Variants in GALNT9 observed in about 807,000 individuals in gnomAD.
The protein encoded by GALNT9 is polypeptide N-acetylgalactosaminyltransferase 9, also known as GalNAc transferase 9.
A neutral mutation model predicts 63.1 loss-of-function variants in GALNT9; 47 were observed. That is an observed-to-expected ratio of 0.75 (90% CI 0.59 to 0.95). The LOEUF (loss-of-function observed/expected upper bound fraction) is 0.95, where lower values mean the gene tolerates loss of function less well. Among genes scored for constraint, GALNT9 ranks in the 40% least tolerant of loss-of-function variants. The pLI, the probability that GALNT9 is intolerant of heterozygous loss-of-function variation, is 0.00. For synonymous variants in GALNT9, 396 were observed against 365.7 expected (o/e 1.08, Z -0.94); for missense variants, 829 against 874.8 (o/e 0.95, Z 0.66).
intron 8 of GALNT9, among the ~76,000 whole-genome samples, chr12:132,200,102 C>T (rs1456569332): frequency 6.6e-6 from 1 of 152,194 alleles, no homozygotes; most frequent in Non-Finnish European, 1.5e-5. Context: ...CCCCGATGCA[C>T]ACTCAGCACT....
chr12:132,244,087 G>C lies in GALNT9; in HGVS notation c.1077+3823C>G, dbSNP rs2136906217. On this transcript the variant is annotated intron_variant, in intron 6 of 10. Transcript: ENST00000328957. ...CTCGACACCGGCAGAGTGAGGCCTC[G>C]GGCCGGCCACTCGGACCACGGTGCA... Among the ~76,000 whole-genome samples the C allele has an allele frequency of 8.7e-5, 13 of 149,880 alleles. 1 individual carries two copies. In the South Asian group the frequency reaches 2.6e-3, roughly 30 times the overall value.
rs965561812 is a variant in GALNT9 at position 132,325,242 on chromosome 12, T to C, written c.238+3724A>G. Among the ~76,000 whole-genome samples the C allele has an allele frequency of 2.6e-5, 4 of 152,190 alleles. No individual in the cohort carries two copies. In the East Asian group the frequency reaches 5.8e-4, roughly 22 times the overall value. On this transcript the variant is annotated intron_variant, in intron 1 of 10. Coordinates refer to ENST00000328957, the MANE Select transcript of GALNT9 (RefSeq NM_001122636.2). Reference sequence around the variant, plus strand: ...TGGAGACACACAAGTGTCTCTTAAGTTCATTTAAACAAAACAATGAATTGT... The same window carrying C: ...TGGAGACACACAAGTGTCTCTTAAGCTCATTTAAACAAAACAATGAATTGT...
chr12:132,249,837 G>A (rs944634859), intron 5 of GALNT9, among the ~76,000 whole-genome samples: 2 of 152,206 alleles, frequency 1.3e-5, no homozygotes, highest in African/African-American at 2.4e-5. Context: ...TCTCAGGCTC[G>A]CGTGGGGCTG....
In GALNT9 at chr12:132,329,181, C is replaced by T. The variant is rs1869187144; in HGVS notation, c.23G>A (p.Arg8Gln). The change falls in exon 1 of 11, where the codon CGA (arginine) becomes CAA (glutamine). Residue 8 changes from arginine (R) to glutamine (Q), a missense_variant. Transcript: ENST00000328957. The part of the protein sequence containing the change: MAVARKI[R>Q]TLLTVNILVF... ...CAGGATGTTCACCGTCAGCAAAGTT[C>T]GGATCTTCCTGGCCACCGCCATGAA... The T allele has an allele frequency of 7.1e-6, 11 of 1,548,298 alleles. 1 individual carries two copies. Among genetic ancestry groups the T allele is most frequent in the East Asian group, 4.9e-5 (2 of 40,808 alleles).
chr12:132,221,206 A>G (rs1192744518), intron 6 of GALNT9, among the ~76,000 whole-genome samples: 1 of 142,776 alleles, frequency 7.0e-6, no homozygotes, highest in African/African-American at 2.6e-5. Flanking sequence ...TACAAAAATT[A>G]GCTGGGTGTG....
chr12:132,246,253 G>A lies in GALNT9; in HGVS notation c.1077+1657C>T, dbSNP rs566632127. ...TTCCATTTTAAAAATGTGTAATTGA[G>A]GATTGATTCTAGATGTGCAGTTTAA... On this transcript the variant is annotated intron_variant, in intron 6 of 10. Transcript: ENST00000328957. The surrounding 1 kb of genome is among the most constrained non-coding windows in gnomAD (Gnocchi z 4.7). Among the ~76,000 whole-genome samples the A allele has an allele frequency of 6.6e-6, 1 of 152,336 alleles. No homozygotes were observed. The highest frequency in any genetic ancestry group is 1.9e-4 in the East Asian group (1 of 5,188).
Position 132,261,638 on chromosome 12 carries a change from G to A in GALNT9, c.587-516C>T, listed in dbSNP as rs1419810075. On this transcript the variant is annotated intron_variant, in intron 3 of 10. Transcript: ENST00000328957. ...TCTGCACACAGACCCCAGTGTAGAC[G>A]GTGCTGCTGGGCTAGGGCACTGCTG... 2.6e-5 allele frequency among the ~76,000 whole-genome samples: 4 copies of A among 152,038 alleles called. No individual in the cohort carries two copies. In the South Asian group the frequency reaches 6.2e-4, roughly 24 times the overall value.
At position 132,245,868 on chromosome 12, in the gene GALNT9, C is replaced by T. The variant is rs1283761128; in HGVS notation, c.1077+2042G>A. 8.5e-5 allele frequency among the ~76,000 whole-genome samples: 13 copies of T among 152,192 alleles called. No individual in the cohort carries two copies. Among genetic ancestry groups the T allele is most frequent in the Admixed American group, 7.2e-4 (11 of 15,288 alleles). On this transcript the variant is annotated intron_variant, in intron 6 of 10. Coordinates refer to ENST00000328957, the MANE Select transcript of GALNT9 (RefSeq NM_001122636.2). The surrounding 1 kb of genome is among the most constrained non-coding windows in gnomAD (Gnocchi z 6.3). ...GCTGAGGCGACTTGTCTTTCACTGA[C>T]GGTGGCTCTGTCCCCAGGACCACAT...
chr12:132,308,558 C>T (rs1555244852), intron 1 of GALNT9, among the ~76,000 whole-genome samples: 1 of 152,054 alleles, frequency 6.6e-6, no homozygotes, highest in East Asian at 1.9e-4. Flanking sequence ...GGCAGCCCCA[C>T]GAACGCAGGG....
At chr12:132,288,542 C>T (rs1406398093) in intron 1 of GALNT9, among the ~76,000 whole-genome samples, 14 of 152,378 alleles carry the variant, frequency 9.2e-5, no homozygotes, top group African/African-American at 2.6e-4. Flanking sequence ...CCTCATCATC[C>T]GTGGGGCTCA....
chr12:132,240,763 T>A (rs1476218230), intron 6 of GALNT9: 15 of 455,198 alleles, frequency 3.3e-5, no homozygotes, highest in East Asian at 6.9e-5. Flanking sequence ...ACCAGCAGAA[T>A]TGGAATGTGC....
chr12:132,321,124 C>T (rs374028106), intron 1 of GALNT9, among the ~76,000 whole-genome samples: 16 of 152,278 alleles, frequency 1.1e-4, no homozygotes, highest in South Asian at 8.3e-4. Context: ...GGGGCGGCCC[C>T]GCCAGGAAGA....
intron 6 of GALNT9, among the ~76,000 whole-genome samples, chr12:132,221,722 G>A (rs530476020): frequency 2.0e-5 from 3 of 148,870 alleles, no homozygotes; most frequent in South Asian, 4.3e-4. Flanking sequence ...GCCCCATAAC[G>A]GAAAAGAAAG....
At chr12:132,303,490 C>T (rs1381650532) in intron 1 of GALNT9, among the ~76,000 whole-genome samples, 2 of 74,848 alleles carry the variant, frequency 2.7e-5, no homozygotes, top group Non-Finnish European at 5.6e-5. Flanking sequence ...GGCACAGAAT[C>T]GCCCAGACAC....
rs567082414 is a variant in GALNT9 at position 132,305,910 on chromosome 12, A to G, written c.239-19480T>C. Reference sequence around the variant, plus strand: ...AGCCCTGGGTGGGGCTTGGGTCCAAAGGAGCTGAGTCAGGGCTGGCAGCAC... The same window carrying G: ...AGCCCTGGGTGGGGCTTGGGTCCAAGGGAGCTGAGTCAGGGCTGGCAGCAC... On this transcript the variant is annotated intron_variant, in intron 1 of 10. Transcript: ENST00000328957. 1.1e-4 allele frequency among the ~76,000 whole-genome samples: 16 copies of G among 152,286 alleles called. No homozygotes were observed. The South Asian group carries it at 2.9e-3, about 28-fold the overall frequency.
intron 1 of GALNT9, among the ~76,000 whole-genome samples, chr12:132,304,057 G>A (rs374653460): frequency 9.4e-5 from 3 of 32,004 alleles, no homozygotes; most frequent in African/African-American, 1.4e-4. Context: ...CCTCACCCGG[G>A]CACACCCTCA....
chr12:132,222,878 A>C, intron 6 of GALNT9, among the ~76,000 whole-genome samples: 1 of 96,518 alleles, frequency 1.0e-5, no homozygotes, highest in Non-Finnish European at 2.1e-5. Context: ...CACAACACAC[A>C]TACACCCCAC....
intron 2 of GALNT9, among the ~76,000 whole-genome samples, chr12:132,271,404 C>G (rs1593096731): frequency 6.6e-6 from 1 of 152,190 alleles, no homozygotes; most frequent in African/African-American, 2.4e-5. Flanking sequence ...TGTGTTTCTT[C>G]CAGGTTTCTT....
At chr12:132,264,798 G>A (rs78601951) in intron 2 of GALNT9, among the ~76,000 whole-genome samples, 9,230 of 152,284 alleles carry the variant, frequency 0.061, 392 homozygotes, top group Middle Eastern at 0.1. Flanking sequence ...CCTGGCAGGT[G>A]CGGCTCCTAG....
Sources: allele counts gnomAD v4.1 joint callset (sites outside exome capture counted in the v4.1 genomes callset), GRCh38; gene constraint gnomAD v4.1.1; non-coding constraint Gnocchi (gnomAD v3.1); transcripts MANE v1.5; gene names NCBI Gene and HGNC (gene_info 2026-07-23, HGNC 2026-07-21).